PFN1: variants seen among roughly 807,000 people sequenced by gnomAD.
The protein encoded by PFN1 is profilin-1.
A neutral mutation model predicts 11.7 loss-of-function variants in PFN1; 2 were observed. The observed-to-expected ratio is 0.17, with a 90% CI of 0.07 to 0.54. PFN1 has a LOEUF of 0.54. PFN1 is among the 20% of genes least tolerant of loss of function. The pLI, the probability that PFN1 is intolerant of heterozygous loss-of-function variation, is 0.94. For missense variants in PFN1, 97 were observed against 188.4 expected, an observed-to-expected ratio of 0.51 and a Z score of 2.84; for synonymous variants, 78 against 76.2, an observed-to-expected ratio of 1.02 and a Z score of -0.12.
intron 2 of PFN1, 35 bp downstream of exon 2, chr17:4,946,593 T>C: frequency 6.5e-7 from 1 of 1,537,346 alleles, no homozygotes; most frequent in Non-Finnish European, 8.8e-7. Context: ...TTAGAGATCT[T>C]GGAGCTAAAG....
In PFN1 at chr17:4,946,736, C is replaced by G; in HGVS notation, c.217G>C (p.Val73Leu). 6.2e-7 allele frequency: 1 copy of G among 1,614,136 alleles called. No individual in the cohort carries two copies. The highest frequency in any genetic ancestry group is 1.1e-5 in the South Asian group (1 of 91,068). ...GLTLGGQKCS[V>L]IRDSLLQDGE... ...TCCTGCAGCAGTGAGTCCCGGATCA[C>G]CGAACATTTCTGGCCCCCAAGTGTC... The change falls in exon 2 of 3, where the codon GTG becomes CTG. Residue 73 changes from valine to leucine, a missense_variant. Transcript: ENST00000225655.
chr17:4,946,943 TA>T, intron 1 of PFN1, 123 bp from the exon 2 acceptor site: 6 of 736,102 alleles, frequency 8.2e-6, no homozygotes, highest in Non-Finnish European at 1.3e-5. Flanking sequence ...AAGTATAAAT[TA>T]TATACTCAGT....
At chr17:4,946,849 T>C in intron 1 of PFN1, 29 bp from the exon 2 acceptor site, 1 of 1,590,330 alleles carries the variant, frequency 6.3e-7, no homozygotes, top group Non-Finnish European at 8.6e-7. Flanking sequence ...GCCCATCAAG[T>C]TAGTCAGTGC....
rs771709608 is a variant in PFN1 at position 4,945,903 on chromosome 17, G to A, written c.420C>T (p.Tyr140=). ...EMASHLRRSQ[Y] Reference sequence around the variant, plus strand: ...GAAGGGGAAGGGACAGACGAGGTCAGTACTGGGAACGCCGAAGGTGGGAGG... The same window carrying A: ...GAAGGGGAAGGGACAGACGAGGTCAATACTGGGAACGCCGAAGGTGGGAGG... The change falls in exon 3 of 3, where the codon TAC becomes TAT. Residue 140 remains tyrosine (Y), a synonymous_variant. Transcript: ENST00000225655. The A allele has an allele frequency of 5.7e-6, 9 of 1,587,446 alleles. No homozygotes were observed. The Admixed American group carries it at 1.3e-4, about 24-fold the overall frequency.
rs770878258 is a variant in PFN1, at chr17:4,948,122, C to A, written c.132+141G>T. 27 of 974,374 alleles carry A rather than the reference C, an allele frequency of 2.8e-5. 1 individual carries two copies. Among genetic ancestry groups the A allele is most frequent in the Non-Finnish European group, 3.7e-5 (26 of 697,152 alleles). The allele number at this position is 974,374 out of a possible 1,614,324, so 60.4% of individuals were successfully genotyped here. A position where few individuals can be genotyped will look rare whatever the true frequency, so the allele number is the denominator to read the frequency against. Reference sequence around the variant, plus strand: ...AACTGAGGGACCCACTCACGTGCAGCCGCCATTCGCGCCGCTTCCAGGGCA... The same window carrying A: ...AACTGAGGGACCCACTCACGTGCAGACGCCATTCGCGCCGCTTCCAGGGCA... On this transcript the variant is annotated intron_variant, in intron 1 of 2. Coordinates refer to ENST00000225655, the MANE Select transcript of PFN1 (RefSeq NM_005022.4).
chr17:4,946,317 C>G (rs995470126), intron 2 of PFN1, among the ~76,000 whole-genome samples: 1 of 152,222 alleles, frequency 6.6e-6, no homozygotes, highest in African/African-American at 2.4e-5. Context: ...CAAAAGAACT[C>G]AAACGATGAA....
At position 4,948,251 on chromosome 17, in the gene PFN1, G is replaced by T. The variant is rs747267179; in HGVS notation, c.132+12C>A. On this transcript the variant is annotated intron_variant, in intron 1 of 2. Coordinates refer to ENST00000225655, the MANE Select transcript of PFN1 (RefSeq NM_005022.4). ...CGGAGCAGTGCCCCGGACCGCGCAGGCCTCGCAGTACCGTGATGTTGACGA... is the reference window on the plus strand; with the variant it reads ...CGGAGCAGTGCCCCGGACCGCGCAGTCCTCGCAGTACCGTGATGTTGACGA... 7 of 1,597,160 alleles carry T rather than the reference G, an allele frequency of 4.4e-6. 1 individual carries two copies. The highest frequency in any genetic ancestry group is 3.4e-5 in the South Asian group (3 of 89,208).
chr17:4,948,380 G>T lies in PFN1; in HGVS notation c.15C>A (p.Asn5Lys). The stretch of plus-strand genomic sequence containing the variant: ...CCGCCATGAGGTTGTCGATGTAGGC[G>T]TTCCACCCGGCCATGGCGCTGCTAC... MAGW[N>K]AYIDNLMADG... Residue 5 changes from asparagine (N) to lysine (K), a missense_variant, in exon 1 of 3, where the codon AAC becomes AAA. Physicochemically the swap from Asn to Lys is moderately conservative, Grantham distance 94. Coordinates refer to ENST00000225655, the MANE Select transcript of PFN1 (RefSeq NM_005022.4). The T allele has an allele frequency of 6.2e-7, 1 of 1,606,322 alleles. No homozygotes were observed.
intron 2 of PFN1, 24 bp from the exon 3 acceptor site, chr17:4,946,021 G>A (rs747690632): frequency 1.3e-6 from 2 of 1,553,224 alleles, no homozygotes; most frequent in Non-Finnish European, 1.8e-6. Context: ...AAAGAGAAAG[G>A]AGGCTAGGAT....
chr17:4,946,582 A>C, intron 2 of PFN1, 46 bp downstream of exon 2: 1 of 1,487,166 alleles, frequency 6.7e-7, no homozygotes, highest in South Asian at 1.3e-5. Flanking sequence ...AAGGCGGTAC[A>C]TTAGAGATCT....
Position 4,946,730 on chromosome 17 carries a change from G to A in PFN1, c.223C>T (p.Arg75Trp), listed in dbSNP as rs1362004206. The A allele has an allele frequency of 6.2e-7, 1 of 1,614,056 alleles. No individual in the cohort carries two copies. Among genetic ancestry groups the A allele is most frequent in the Non-Finnish European group, 8.5e-7 (1 of 1,179,982 alleles). The change falls in exon 2 of 3, where the codon CGG becomes TGG. Residue 75 changes from arginine to tryptophan, a missense_variant. Coordinates refer to ENST00000225655, the MANE Select transcript of PFN1 (RefSeq NM_005022.4). ...TCCCCATCCTGCAGCAGTGAGTCCCGGATCACCGAACATTTCTGGCCCCCA... is the reference window on the plus strand; with the variant it reads ...TCCCCATCCTGCAGCAGTGAGTCCCAGATCACCGAACATTTCTGGCCCCCA... ...TLGGQKCSVI[R>W]DSLLQDGEFS...
intron 1 of PFN1, 35 bp downstream of exon 1, chr17:4,948,228 G>A (rs983788520): frequency 6.3e-7 from 1 of 1,575,394 alleles, no homozygotes. Flanking sequence ...GTCCAAACCG[G>A]AGCAGTGCCC....
rs1971373544 is a variant in PFN1, at chr17:4,945,845, G to C, written c.*55C>G. On this transcript the variant is annotated 3_prime_UTR_variant, in exon 3 of 3. Transcript: ENST00000225655. ...AATAAAATGGTTTGTGTGTGTATGGGGAGGAAAGGGGTGCAAAGCTGTGGG... is the reference window on the plus strand; with the variant it reads ...AATAAAATGGTTTGTGTGTGTATGGCGAGGAAAGGGGTGCAAAGCTGTGGG... 2 of 1,132,784 alleles carry C rather than the reference G, an allele frequency of 1.8e-6. No homozygotes were observed. The highest frequency in any genetic ancestry group is 1.3e-6 in the Non-Finnish European group (1 of 741,878). The allele number at this position is 1,132,784 out of a possible 1,614,324, so 70.2% of individuals were successfully genotyped here. A position where few individuals can be genotyped will look rare whatever the true frequency, so the allele number is the denominator to read the frequency against.
In PFN1 at chr17:4,948,380, G is replaced by A. The variant is rs749940619; in HGVS notation, c.15C>T (p.Asn5=). 10 of 1,606,206 alleles carry A rather than the reference G, an allele frequency of 6.2e-6. No homozygotes were observed. The South Asian group carries it at 1.0e-4, about 16-fold the overall frequency. The change falls in exon 1 of 3, where the codon AAC becomes AAT. Residue 5 remains asparagine (N), a synonymous_variant. Transcript: ENST00000225655. MAGW[N]AYIDNLMADG... ...CCGCCATGAGGTTGTCGATGTAGGC[G>A]TTCCACCCGGCCATGGCGCTGCTAC...
chr17:4,948,174 G>T, intron 1 of PFN1, 89 bp downstream of exon 1: 1 of 1,432,492 alleles, frequency 7.0e-7, no homozygotes, highest in Non-Finnish European at 9.3e-7. Context: ...CTCTCGCTGC[G>T]CGCCCTAGAC....
intron 2 of PFN1, 96 bp from the exon 3 acceptor site, chr17:4,946,093 A>C: frequency 1.2e-6 from 1 of 865,952 alleles, no homozygotes; most frequent in Non-Finnish European, 1.9e-6. Context: ...TGGGGGCTGT[A>C]ACCCAACCTC....
In PFN1 at chr17:4,948,482, G is replaced by C. The variant is rs1217843405; in HGVS notation, c.-88C>G. ...CTCGGCTGGCGGGCGGGGGGAGGCG[G>C]AGAGCTCGGGGCACGCGCTGCCGTC... is the stretch of plus-strand genomic sequence containing the variant. On this transcript the variant is annotated 5_prime_UTR_variant, in exon 1 of 3. Transcript: ENST00000225655. 1 of 1,408,070 alleles carries C rather than the reference G, an allele frequency of 7.1e-7. No homozygotes were observed. 87.2% of individuals were successfully genotyped at this position (1,408,070 alleles called of 1,614,324 possible).
Position 4,945,861 on chromosome 17 carries a change from A to G in PFN1, c.*39T>C, listed in dbSNP as rs367572626. The G allele has an allele frequency of 6.1e-6, 8 of 1,309,524 alleles. No homozygotes were observed. In the African/African-American group the frequency reaches 1.2e-4, roughly 19 times the overall value. 81.1% of individuals were successfully genotyped at this position (1,309,524 alleles called of 1,614,324 possible). ...TGTGTATGGGGAGGAAAGGGGTGCAAAGCTGTGGGGAGCGGTGAAGGGGAA... is the reference window on the plus strand; with the variant it reads ...TGTGTATGGGGAGGAAAGGGGTGCAGAGCTGTGGGGAGCGGTGAAGGGGAA... On this transcript the variant is annotated 3_prime_UTR_variant, in exon 3 of 3. Transcript: ENST00000225655.
At chr17:4,946,533 T>C (rs1257470777) in intron 2 of PFN1, 95 bp downstream of exon 2, 1 of 928,146 alleles carries the variant, frequency 1.1e-6, no homozygotes, top group Non-Finnish European at 1.7e-6. Flanking sequence ...TCCCTTCATG[T>C]TGGGGAATCA....
Sources: gnomAD v4.1 joint callset for allele counts (sites outside exome capture counted in the v4.1 genomes callset) on GRCh38, gnomAD v4.1.1 for gene constraint, MANE v1.5 for transcripts, NCBI Gene and HGNC (gene_info 2026-07-23, HGNC 2026-07-21) for gene names.